SND1: variants seen among roughly 807,000 people sequenced by gnomAD.
The protein encoded by SND1 is staphylococcal nuclease domain-containing protein 1.
SND1 carries 38 observed loss-of-function variants against 121.7 expected under a neutral mutation model. The ratio of observed to expected loss-of-function variants is 0.31; its 90% confidence interval spans 0.24 to 0.41. SND1 has a LOEUF of 0.41. Ranked by LOEUF, SND1 falls within the 10% of genes least tolerant of loss-of-function variation. SND1 has a pLI of 1.00. For missense variants in SND1, 868 were observed against 1,184.6 expected, an observed-to-expected ratio of 0.73 and a Z score of 3.92; for synonymous variants, 401 against 447.4, an observed-to-expected ratio of 0.90 and a Z score of 1.31.
intron 12 of SND1, chr7:127,857,785 A>T: frequency 1.4e-6 from 1 of 700,272 alleles, no homozygotes; most frequent in Non-Finnish European, 2.6e-6. Flanking sequence ...TGCCTGAGAC[A>T]CTTGGACCTC....
chr7:127,919,080 T>C (rs9791922), intron 14 of SND1, among the ~76,000 whole-genome samples: 43,221 of 152,140 alleles, frequency 0.28, 7,693 homozygotes, highest in East Asian at 0.71. Flanking sequence ...AAAGACTAAT[T>C]AGACATAAAA....
chr7:128,029,652 T>C lies in SND1; in HGVS notation c.1779+38596T>C. ...GCGGCCTCGCATGTGCATGGGAGCA[T>C]GACAGCGGCCACAGCAGGTGGAATT... On this transcript the variant is annotated intron_variant, in intron 16 of 23. Transcript: ENST00000354725. This position sits in a 1 kb window ranked among gnomAD's most constrained non-coding sequence, Gnocchi z 4.2. The C allele has an allele frequency of 1.2e-6, 2 of 1,613,900 alleles. No individual in the cohort carries two copies. The highest frequency in any genetic ancestry group is 1.7e-6 in the Non-Finnish European group (2 of 1,179,990).
chr7:128,041,380 TCAAA>T (rs766161049), intron 16 of SND1, among the ~76,000 whole-genome samples: 2 of 152,294 alleles, frequency 1.3e-5, no homozygotes, highest in African/African-American at 2.4e-5. Flanking sequence ...CCATGAGTCA[TCAAA>T]CAACCAATGG....
chr7:128,038,194 G>A (rs918874823), intron 16 of SND1, among the ~76,000 whole-genome samples: 2 of 152,200 alleles, frequency 1.3e-5, no homozygotes, highest in African/African-American at 4.8e-5. Flanking sequence ...TTTGGTTGGA[G>A]AAAACCCAAA....
At position 127,741,879 on chromosome 7, in the gene SND1, C is replaced by T. The variant is rs572176227; in HGVS notation, c.1152+20479C>T. Among the ~76,000 whole-genome samples, 8 of 152,148 alleles carry T rather than the reference C, an allele frequency of 5.3e-5. No homozygotes were observed. In the South Asian group the frequency reaches 1.7e-3, roughly 32 times the overall value. On this transcript the variant is annotated intron_variant, in intron 10 of 23. Coordinates refer to ENST00000354725, the MANE Select transcript of SND1 (RefSeq NM_014390.4). ...TTCCCGAGAGTGAGGTAAGGGTTTC[C>T]TTGTTATTAAATCTAATACCCTGAA...
In SND1 at chr7:127,689,774, A is replaced by G. The variant is rs1795878876; in HGVS notation, c.228+3012A>G. Among the ~76,000 whole-genome samples the G allele has an allele frequency of 2.0e-5, 3 of 152,060 alleles. No individual in the cohort carries two copies. In the South Asian group the frequency reaches 6.2e-4, roughly 32 times the overall value. On this transcript the variant is annotated intron_variant, in intron 2 of 23. Transcript: ENST00000354725. ...TGCAGATTTCATCTTTTCCTAGCCCACAGTCATCATTTCTCCTTCCTAATA... is the reference window on the plus strand; with the variant it reads ...TGCAGATTTCATCTTTTCCTAGCCCGCAGTCATCATTTCTCCTTCCTAATA...
intron 15 of SND1, among the ~76,000 whole-genome samples, chr7:127,934,908 G>A (rs1801028967): frequency 6.6e-6 from 1 of 152,162 alleles, no homozygotes; most frequent in Non-Finnish European, 1.5e-5. Context: ...CATGGAGCGG[G>A]CTGAGTGTTC....
chr7:127,898,050 G>C (rs1800154387), intron 13 of SND1, among the ~76,000 whole-genome samples: 2 of 152,234 alleles, frequency 1.3e-5, no homozygotes, highest in South Asian at 2.1e-4. Flanking sequence ...ATCTGGGATA[G>C]TAGAGTTTGC....
At chr7:127,991,763 G>A (rs1263304429) in intron 16 of SND1, among the ~76,000 whole-genome samples, 1 of 152,126 alleles carries the variant, frequency 6.6e-6, no homozygotes, top group Admixed American at 6.5e-5. Flanking sequence ...TACTCACAGA[G>A]GTACAAGATT....
intron 15 of SND1, among the ~76,000 whole-genome samples, chr7:127,976,562 C>T (rs1230021794): frequency 6.6e-6 from 1 of 152,216 alleles, no homozygotes; most frequent in Non-Finnish European, 1.5e-5. Flanking sequence ...CTTCCCTGTC[C>T]ACTGGCCACA....
chr7:128,025,334 TC>T (rs1004302230), intron 16 of SND1, among the ~76,000 whole-genome samples: 10 of 152,210 alleles, frequency 6.6e-5, no homozygotes, highest in African/African-American at 2.4e-4. Flanking sequence ...GGGCTTTTAG[TC>T]CCACCTCCTC....
At chr7:128,080,932 G>A (rs547765186) in intron 17 of SND1, among the ~76,000 whole-genome samples, 16 of 150,642 alleles carry the variant, frequency 1.1e-4, no homozygotes, top group South Asian at 6.3e-4. Flanking sequence ...GGTGTGAATC[G>A]AGTGCCCCAC....
chr7:128,076,655 C>T (rs1242971476), intron 17 of SND1, among the ~76,000 whole-genome samples: 3 of 152,164 alleles, frequency 2.0e-5, no homozygotes, highest in Non-Finnish European at 4.4e-5. Flanking sequence ...ACAAGGGCTG[C>T]CTTACCTGTC....
intron 1 of SND1, among the ~76,000 whole-genome samples, chr7:127,680,712 T>G (rs1482547738): frequency 6.6e-6 from 1 of 150,884 alleles, no homozygotes; most frequent in Non-Finnish European, 1.5e-5. Context: ...CGCTCTACAG[T>G]TTGTACAGTT....
chr7:127,984,026 G>A (rs921854322), intron 15 of SND1, among the ~76,000 whole-genome samples: 1 of 152,032 alleles, frequency 6.6e-6, no homozygotes, highest in Non-Finnish European at 1.5e-5. Flanking sequence ...CTTAGTCACC[G>A]CTTAGCTGAG....
intron 16 of SND1, among the ~76,000 whole-genome samples, chr7:128,022,746 G>A (rs1464089568): frequency 1.5e-5 from 2 of 133,376 alleles, no homozygotes; most frequent in African/African-American, 2.9e-5. Flanking sequence ...GAGGAAATGG[G>A]TTTAGAGCAG....
chr7:128,047,598 G>A (rs1356095165), intron 16 of SND1, among the ~76,000 whole-genome samples: 2 of 152,232 alleles, frequency 1.3e-5, no homozygotes, highest in African/African-American at 4.8e-5. Context: ...CTATTTGCCT[G>A]TAAGGCTCTG....
intron 1 of SND1, among the ~76,000 whole-genome samples, chr7:127,654,060 T>A (rs1795170549): frequency 6.6e-6 from 1 of 152,194 alleles, no homozygotes; most frequent in African/African-American, 2.4e-5. Context: ...CTTTCTGAGA[T>A]TTCTCCTTGC....
chr7:127,886,849 C>CAAAA lies in SND1; in HGVS notation c.1344-1037_1344-1034dup, dbSNP rs11413396. Among the ~76,000 whole-genome samples, 1,208 of 118,222 alleles carry CAAAA rather than the reference C, an allele frequency of 0.01. 80 individuals are homozygous for CAAAA. In the East Asian group the frequency reaches 0.14, roughly 13 times the overall value. The allele number at this position is 118,222 out of a possible 152,430, so 77.6% of individuals were successfully genotyped here. Reference sequence around the variant, plus strand: ...AGTGTGAGCAATTTTCTTATTCTGGCAAAAAAAAAAAAAAAAAAAGATTTG... The same window carrying CAAAA: ...AGTGTGAGCAATTTTCTTATTCTGGCAAAAAAAAAAAAAAAAAAAAAAAGATTTG... On this transcript the variant is annotated intron_variant, in intron 12 of 23. Transcript: ENST00000354725.
Sources: allele counts gnomAD v4.1 joint callset (sites outside exome capture counted in the v4.1 genomes callset), GRCh38; gene constraint gnomAD v4.1.1; non-coding constraint Gnocchi (gnomAD v3.1); transcripts MANE v1.5; gene names NCBI Gene and HGNC (gene_info 2026-07-23, HGNC 2026-07-21).